Variants in ST6GAL2 observed in about 807,000 individuals in gnomAD.
ST6GAL2 encodes the protein beta-galactoside alpha-2,6-sialyltransferase 2.
In ST6GAL2, 24 loss-of-function variants were observed where a neutral mutation model predicts 37.5. That is an observed-to-expected ratio of 0.64 (90% CI 0.46 to 0.90). The LOEUF (loss-of-function observed/expected upper bound fraction) is 0.90, where lower values mean the gene tolerates loss of function less well. ST6GAL2 is among the 40% of genes least tolerant of loss of function. The probability of loss-of-function intolerance (pLI) is 0.00; values close to 1 mark genes in which losing one functional copy is unlikely to be tolerated. For synonymous variants in ST6GAL2, 306 were observed against 295.1 expected (o/e 1.04, Z -0.38); for missense variants, 715 against 712.7 (o/e 1.00, Z -0.04).
At chr2:106,878,766 A>C (rs2104647232) in intron 1 of ST6GAL2, among the ~76,000 whole-genome samples, 1 of 152,250 alleles carries the variant, frequency 6.6e-6, no homozygotes, top group Admixed American at 6.5e-5. Flanking sequence ...GCATCCATGG[A>C]TTAGGGTATC....
At chr2:106,853,934 T>G (rs949456970) in intron 1 of ST6GAL2, among the ~76,000 whole-genome samples, 2 of 152,184 alleles carry the variant, frequency 1.3e-5, no homozygotes, top group African/African-American at 2.4e-5. Flanking sequence ...CCTGTTTGTT[T>G]TACAATAATT....
chr2:106,840,868 C>T (rs767987343), intron 2 of ST6GAL2, among the ~76,000 whole-genome samples: 8 of 152,148 alleles, frequency 5.3e-5, no homozygotes, highest in Non-Finnish European at 7.4e-5. Flanking sequence ...AAAACCAAAC[C>T]GGAAGCAAGT....
intron 1 of ST6GAL2, among the ~76,000 whole-genome samples, chr2:106,851,691 T>TTTTG (rs1377178254): frequency 6.6e-6 from 1 of 151,578 alleles, no homozygotes; most frequent in African/African-American, 2.4e-5. Flanking sequence ...TTTTTTCACA[T>TTTTG]TTTGATTGAT....
At chr2:106,854,399 AAG>A (rs1196909037) in intron 1 of ST6GAL2, among the ~76,000 whole-genome samples, 3 of 152,326 alleles carry the variant, frequency 2.0e-5, no homozygotes, top group African/African-American at 7.2e-5. Context: ...CTGGCCCAAA[AAG>A]AGAGCACAAT....
At chr2:106,847,035 T>A (rs1167774897) in intron 1 of ST6GAL2, among the ~76,000 whole-genome samples, 1 of 152,218 alleles carries the variant, frequency 6.6e-6, no homozygotes, top group Non-Finnish European at 1.5e-5. Context: ...CACAGTAAGT[T>A]CTGATTCCAT....
intron 1 of ST6GAL2, among the ~76,000 whole-genome samples, chr2:106,867,804 A>T (rs2104604885): frequency 6.6e-6 from 1 of 152,262 alleles, no homozygotes; most frequent in East Asian, 1.9e-4. Flanking sequence ...TAGAAGCAGC[A>T]GATTAAAATT....
chr2:106,820,561 T>C (rs1198951780), intron 5 of ST6GAL2, among the ~76,000 whole-genome samples: 3 of 152,098 alleles, frequency 2.0e-5, no homozygotes, highest in Non-Finnish European at 2.9e-5. Context: ...ACTTTCAGCA[T>C]TGGACAGGTC....
At chr2:106,833,177 G>C (rs1049014860) in intron 3 of ST6GAL2, among the ~76,000 whole-genome samples, 1 of 146,156 alleles carries the variant, frequency 6.8e-6, no homozygotes, top group African/African-American at 2.6e-5. Context: ...TTTTCCCTCA[G>C]TTTTAAGATA....
At chr2:106,858,311 A>T (rs1677663091) in intron 1 of ST6GAL2, among the ~76,000 whole-genome samples, 2 of 152,234 alleles carry the variant, frequency 1.3e-5, no homozygotes, top group South Asian at 4.1e-4. Flanking sequence ...CACTCAGCTG[A>T]CAGTAATGTG....
At chr2:106,882,562 T>C (rs1394705384) in intron 1 of ST6GAL2, among the ~76,000 whole-genome samples, 2 of 152,238 alleles carry the variant, frequency 1.3e-5, no homozygotes, top group South Asian at 2.1e-4. Context: ...AGCTTTTAAG[T>C]ATGCCACAAC....
Position 106,804,582 on chromosome 2 carries a change from C to A in ST6GAL2, c.*2096G>T. 6.6e-6 allele frequency: 1 copy of A among 152,238 alleles called. No individual in the cohort carries two copies. The allele number at this position is 152,238 out of a possible 1,614,324, so 9.4% of individuals were successfully genotyped here. Reference sequence around the variant, plus strand: ...GACCGGGCGCGGTGGTGGCTCACGCCTATAATCCCATCACTTTGGGAGGCC... The same window carrying A: ...GACCGGGCGCGGTGGTGGCTCACGCATATAATCCCATCACTTTGGGAGGCC... On this transcript the variant is annotated 3_prime_UTR_variant, in exon 6 of 6. Transcript: ENST00000409382.
chr2:106,841,179 C>G (rs1224459254), intron 2 of ST6GAL2: 1 of 152,084 alleles, frequency 6.6e-6, no homozygotes, highest in East Asian at 1.9e-4. Flanking sequence ...AGCCTCATGC[C>G]CAAGGACTTC....
intron 1 of ST6GAL2, among the ~76,000 whole-genome samples, chr2:106,859,003 T>C (rs1282192539): frequency 6.6e-6 from 1 of 150,502 alleles, no homozygotes; most frequent in Non-Finnish European, 1.5e-5. Flanking sequence ...CAGCACACGT[T>C]GTAATGCTTC....
At chr2:106,871,571 A>G (rs758250341) in intron 1 of ST6GAL2, among the ~76,000 whole-genome samples, 16 of 152,170 alleles carry the variant, frequency 1.1e-4, no homozygotes, top group Non-Finnish European at 1.9e-4. Flanking sequence ...AAATATCTTT[A>G]TATTTATTCT....
rs1558703083 is a variant in ST6GAL2 at position 106,844,007 on chromosome 2, CTT to C, written c.-32_-31del. On this transcript the variant is annotated 5_prime_UTR_variant, in exon 2 of 6. Coordinates refer to ENST00000409382, the MANE Select transcript of ST6GAL2 (RefSeq NM_001142351.2). ...GGTCTCTGCGGTCAGCACCTTGTGT[CTT>C]AATGCAGATGGGTGGCAGAATGAAC... 1 of 1,522,830 alleles carries C rather than the reference CTT, an allele frequency of 6.6e-7. No individual in the cohort carries two copies. Among genetic ancestry groups the C allele is most frequent in the African/African-American group, 1.4e-5 (1 of 72,384 alleles). 94.3% of individuals were successfully genotyped at this position (1,522,830 alleles called of 1,614,324 possible).
chr2:106,871,604 A>G (rs945084738), intron 1 of ST6GAL2, among the ~76,000 whole-genome samples: 1 of 152,208 alleles, frequency 6.6e-6, no homozygotes, highest in African/African-American at 2.4e-5. Flanking sequence ...CTATGCTTAA[A>G]TTATTTTATT....
intron 1 of ST6GAL2, among the ~76,000 whole-genome samples, chr2:106,847,609 C>T (rs1428202251): frequency 1.6e-4 from 24 of 152,094 alleles, no homozygotes; most frequent in Admixed American, 1.6e-3. Context: ...TGGTTCTGGG[C>T]AAGTTACTCA....
chr2:106,815,893 A>G (rs1675783515), intron 5 of ST6GAL2, among the ~76,000 whole-genome samples: 2 of 152,202 alleles, frequency 1.3e-5, no homozygotes, highest in Non-Finnish European at 2.9e-5. Context: ...AGAGTCTATA[A>G]GATGACATCA....
intron 1 of ST6GAL2, among the ~76,000 whole-genome samples, chr2:106,878,786 TA>T (rs144607360): frequency 6.6e-6 from 1 of 152,298 alleles, no homozygotes; most frequent in African/African-American, 2.4e-5. Flanking sequence ...CCATGGAGAA[TA>T]CTGGAACCAA....
Sources: gnomAD v4.1 joint callset for allele counts (sites outside exome capture counted in the v4.1 genomes callset) on GRCh38, gnomAD v4.1.1 for gene constraint, MANE v1.5 for transcripts, NCBI Gene and HGNC (gene_info 2026-07-23, HGNC 2026-07-21) for gene names.